Variants in RSBN1 observed in about 807,000 individuals in gnomAD.
RSBN1 encodes the protein round spermatid basic protein 1, also known as lysine-specific demethylase 9.
RSBN1 carries 23 observed loss-of-function variants against 74.8 expected under a neutral mutation model. That is an observed-to-expected ratio of 0.31 (90% confidence interval 0.22 to 0.44). RSBN1 has a LOEUF of 0.44. RSBN1 is among the 20% of genes least tolerant of loss of function. The pLI is 1.00. For missense variants in RSBN1, 808 were observed against 1,020.9 expected, an observed-to-expected ratio of 0.79 and a Z score of 2.84; for synonymous variants, 407 against 379.6, an observed-to-expected ratio of 1.07 and a Z score of -0.84.
At chr1:113,798,825 A>G (rs1398210497) in intron 1 of RSBN1, among the ~76,000 whole-genome samples, 1 of 152,182 alleles carries the variant, frequency 6.6e-6, no homozygotes, top group Non-Finnish European at 1.5e-5. Flanking sequence ...CATATTATAA[A>G]ACACTACTCA....
chr1:113,782,388 C>A (rs1207453611), intron 2 of RSBN1, among the ~76,000 whole-genome samples: 1 of 151,964 alleles, frequency 6.6e-6, no homozygotes, highest in African/African-American at 2.4e-5. Context: ...GTGACTAAGA[C>A]TTGAGAGAAA....
rs1279447340 is a variant in RSBN1, at chr1:113,763,473, T to C, written c.*2507A>G. On this transcript the variant is annotated 3_prime_UTR_variant, in exon 7 of 7. Coordinates refer to ENST00000261441, the MANE Select transcript of RSBN1 (RefSeq NM_018364.5). ...CAAATAATTTAATGATTTAGAAAAA[T>C]TGCAATCATTTGTATCACTAAACTA... 1 of 152,682 alleles carries C rather than the reference T, an allele frequency of 6.5e-6. No individual in the cohort carries two copies. Among genetic ancestry groups the C allele is most frequent in the African/African-American group, 2.4e-5 (1 of 41,428 alleles). 9.5% of individuals were successfully genotyped at this position (152,682 alleles called of 1,614,324 possible). A position where few individuals can be genotyped will look rare whatever the true frequency, so the allele number is the denominator to read the frequency against.
At chr1:113,798,567 T>C (rs1355585595) in intron 1 of RSBN1, among the ~76,000 whole-genome samples, 3 of 152,204 alleles carry the variant, frequency 2.0e-5, no homozygotes, top group Non-Finnish European at 4.4e-5. Context: ...TTCTGGTCAT[T>C]CTCAACTACT....
At chr1:113,777,534 T>A (rs1157865342) in intron 3 of RSBN1, 137 bp downstream of exon 3, 6 of 955,174 alleles carry the variant, frequency 6.3e-6, no homozygotes, top group Non-Finnish European at 9.0e-6. Context: ...GTACTAATAT[T>A]ATTCTATCTA....
chr1:113,808,153 G>T (rs1326765137), intron 1 of RSBN1, among the ~76,000 whole-genome samples: 1 of 152,062 alleles, frequency 6.6e-6, no homozygotes, highest in Admixed American at 6.5e-5. Flanking sequence ...AGTCATCCTT[G>T]GTATCCATGG....
intron 1 of RSBN1, among the ~76,000 whole-genome samples, chr1:113,810,414 C>A (rs1018783652): frequency 6.6e-6 from 1 of 150,780 alleles, no homozygotes; most frequent in Non-Finnish European, 1.5e-5. Flanking sequence ...CACACACACA[C>A]AAGAAATGAG....
intron 5 of RSBN1, among the ~76,000 whole-genome samples, chr1:113,767,647 G>T (rs141568329): frequency 6.6e-6 from 1 of 152,260 alleles, no homozygotes; most frequent in Non-Finnish European, 1.5e-5. Flanking sequence ...ATTGAATGCA[G>T]GGACATGAAG....
At chr1:113,791,503 T>G (rs1558000724) in intron 2 of RSBN1, among the ~76,000 whole-genome samples, 1 of 152,100 alleles carries the variant, frequency 6.6e-6, no homozygotes, top group Admixed American at 6.5e-5. Flanking sequence ...AAACCCTGTG[T>G]ATGGGGGTTG....
intron 1 of RSBN1, among the ~76,000 whole-genome samples, chr1:113,803,543 C>T (rs1362391987): frequency 6.6e-6 from 1 of 152,158 alleles, no homozygotes; most frequent in Admixed American, 6.5e-5. Flanking sequence ...AGAACAGTAT[C>T]TCATTATAAA....
rs747968615 is a variant in RSBN1 at position 113,777,790 on chromosome 1, A to T, written c.1396T>A (p.Cys466Ser). 27 of 1,601,938 alleles carry T rather than the reference A, an allele frequency of 1.7e-5. No individual in the cohort carries two copies. In the African/African-American group the frequency reaches 2.4e-4, roughly 14 times the overall value. ...FHTQVNRTYC[C>S]GTYRAGPMRQ... ...ATAGGACCTGCTCGGTAGGTGCCAC[A>T]GCAGTATGTCCTGTTGACCTAAGAT... The change falls in exon 3 of 7, where the codon TGT becomes AGT. Residue 466 changes from cysteine (C) to serine (S), a missense_variant. Cys to Ser is a moderately radical substitution (Grantham distance 112, BLOSUM62 -1). Coordinates refer to ENST00000261441, the MANE Select transcript of RSBN1 (RefSeq NM_018364.5).
chr1:113,810,914 T>C lies in RSBN1; in HGVS notation c.703+796A>G, dbSNP rs578137634. Reference sequence around the variant, plus strand: ...AGACATCAGTTCTGGCCAATCTAATTTTTCTAGAATCCACATTTAATTGGA... The same window carrying C: ...AGACATCAGTTCTGGCCAATCTAATCTTTCTAGAATCCACATTTAATTGGA... On this transcript the variant is annotated intron_variant, in intron 1 of 6. Transcript: ENST00000261441. Among the ~76,000 whole-genome samples, 186 of 152,338 alleles carry C rather than the reference T, an allele frequency of 1.2e-3. 3 individuals are homozygous for C. Among genetic ancestry groups the C allele is most frequent in the South Asian group, 0.011 (53 of 4,830 alleles).
At chr1:113,808,447 G>A (rs1199107205) in intron 1 of RSBN1, among the ~76,000 whole-genome samples, 2 of 152,084 alleles carry the variant, frequency 1.3e-5, no homozygotes, top group Non-Finnish European at 2.9e-5. Flanking sequence ...CATTGATGTG[G>A]AACCCATGGA....
intron 4 of RSBN1, among the ~76,000 whole-genome samples, chr1:113,770,610 C>G (rs1238746837): frequency 1.3e-5 from 2 of 152,158 alleles, no homozygotes; most frequent in African/African-American, 4.8e-5. Context: ...GTGTCCATTT[C>G]TATGCCTGTT....
chr1:113,785,502 G>A (rs372697614), intron 2 of RSBN1, among the ~76,000 whole-genome samples: 2 of 152,130 alleles, frequency 1.3e-5, no homozygotes, highest in South Asian at 2.1e-4. Context: ...TGACTGAAAC[G>A]TCACTACATA....
intron 2 of RSBN1, among the ~76,000 whole-genome samples, chr1:113,795,132 G>A (rs1201047529): frequency 2.0e-5 from 3 of 152,116 alleles, no homozygotes; most frequent in Non-Finnish European, 4.4e-5. Flanking sequence ...TGTTTCACAC[G>A]GAGATACTTT....
intron 1 of RSBN1, among the ~76,000 whole-genome samples, chr1:113,802,306 G>C (rs1195896016): frequency 1.4e-5 from 2 of 141,098 alleles, no homozygotes; most frequent in Non-Finnish European, 3.1e-5. Flanking sequence ...TTATGGCTTA[G>C]AAGTCGGAAA....
At position 113,777,223 on chromosome 1, in the gene RSBN1, A is replaced by G; in HGVS notation, c.1645T>C (p.Phe549Leu). 6.2e-7 allele frequency: 1 copy of G among 1,606,176 alleles called. No homozygotes were observed. Among genetic ancestry groups the G allele is most frequent in the Non-Finnish European group, 8.5e-7 (1 of 1,176,146 alleles). ...IPTADMPKSP[F>L]KRRRSMNEIK... ...AGAAATATTTACCGTCGTCTTTTGA[A>G]GGGTGACTTTGGCATATCTGCTGTA... Residue 549 changes from phenylalanine (F) to leucine (L), a missense_variant, in exon 4 of 7, where the codon TTC (phenylalanine) becomes CTC (leucine). Phe to Leu is a conservative substitution (Grantham distance 22). Around this residue, in one of 6 missense-constraint regions of RSBN1, gnomAD observed 112 missense variants for 257.3 expected, o/e 0.44. Transcript: ENST00000261441.
intron 2 of RSBN1, among the ~76,000 whole-genome samples, chr1:113,792,209 C>T (rs1660380427): frequency 6.6e-6 from 1 of 152,188 alleles, no homozygotes; most frequent in African/African-American, 2.4e-5. Context: ...CCAGCAAACA[C>T]ATAACACACA....
intron 2 of RSBN1, among the ~76,000 whole-genome samples, chr1:113,782,557 T>C (rs1660159996): frequency 6.6e-6 from 1 of 152,226 alleles, no homozygotes; most frequent in Non-Finnish European, 1.5e-5. Context: ...CAAGGACAAC[T>C]ATTTTTTAAG....
Sources: allele counts gnomAD v4.1 joint callset (sites outside exome capture counted in the v4.1 genomes callset), GRCh38; gene constraint gnomAD v4.1.1; regional missense constraint gnomAD v4.1.1; transcripts MANE v1.5; gene names NCBI Gene and HGNC (gene_info 2026-07-23, HGNC 2026-07-21).